Variants in DUSP13B observed in about 807,000 individuals in gnomAD.
The protein encoded by DUSP13B is dual specificity phosphatase 13B.
chr10:75,109,129 C>A, the DUSP13B span: 2 of 1,606,476 alleles, frequency 1.2e-6, no homozygotes, highest in Non-Finnish European at 1.7e-6. Context: ...GTCCTCTCCC[C>A]CCAGCTCTGG....
At chr10:75,104,607 C>A in the DUSP13B span, among the ~76,000 whole-genome samples, 3 of 152,192 alleles carry the variant, frequency 2.0e-5, no homozygotes, top group African/African-American at 7.2e-5. Context: ...AGAGAGCAGG[C>A]AGGGAATCTG....
the DUSP13B span, among the ~76,000 whole-genome samples, chr10:75,106,035 AGATCAACACCTGTTCTGCCTACCCTTGG>A: frequency 2.0e-5 from 3 of 151,794 alleles, no homozygotes; most frequent in African/African-American, 7.3e-5. Flanking sequence ...TAAAATGGGT[AGATCAACACCTGTTCTGCCTACCCTTGG>A]GATAGGGTCC....
the DUSP13B span, chr10:75,095,916 T>A: frequency 1.1e-6 from 1 of 920,286 alleles, no homozygotes; most frequent in Non-Finnish European, 1.7e-6. Flanking sequence ...GACAAGAGCC[T>A]GCAAATTGGC....
At chr10:75,095,252 C>A in the DUSP13B span, among the ~76,000 whole-genome samples, 1 of 152,212 alleles carries the variant, frequency 6.6e-6, no homozygotes, top group East Asian at 1.9e-4. Flanking sequence ...GCCCCTGCAG[C>A]TCTATGCCAA....
At chr10:75,105,876 A>G in the DUSP13B span, 1 of 1,545,332 alleles carries the variant, frequency 6.5e-7, no homozygotes, top group Non-Finnish European at 8.7e-7. Flanking sequence ...TGGCTGAGGA[A>G]GACATCCTGG....
chr10:75,101,962 C>G, the DUSP13B span: 1 of 1,367,508 alleles, frequency 7.3e-7, no homozygotes, highest in Non-Finnish European at 9.8e-7. Flanking sequence ...GATGCTGTTT[C>G]TATTTTTTGA....
At chr10:75,096,650 G>A in the DUSP13B span, among the ~76,000 whole-genome samples, 24 of 152,166 alleles carry the variant, frequency 1.6e-4, no homozygotes, top group African/African-American at 5.5e-4. Context: ...TTGAGAGGCT[G>A]AGGTGGGAGA....
At chr10:75,100,173 A>G in the DUSP13B span, among the ~76,000 whole-genome samples, 1 of 152,108 alleles carries the variant, frequency 6.6e-6, no homozygotes, top group Non-Finnish European at 1.5e-5. Flanking sequence ...GCAGGCAGCC[A>G]GGCTCCACCC....
chr10:75,096,367 A>G, the DUSP13B span, among the ~76,000 whole-genome samples: 3 of 152,066 alleles, frequency 2.0e-5, no homozygotes, highest in African/African-American at 4.8e-5. Flanking sequence ...CATTGAGCTC[A>G]GGAGTTCGAG....
the DUSP13B span, among the ~76,000 whole-genome samples, chr10:75,102,529 C>T: frequency 6.6e-6 from 1 of 152,202 alleles, no homozygotes; most frequent in Non-Finnish European, 1.5e-5. Context: ...GTCCCTTGGC[C>T]GGATGCAGTG....
the DUSP13B span, chr10:75,095,934 G>T: frequency 1.3e-6 from 1 of 755,802 alleles, no homozygotes; most frequent in Non-Finnish European, 2.2e-6. Context: ...GGCCCAGGGT[G>T]AAGGGGCTCC....
At chr10:75,096,484 G>A in the DUSP13B span, among the ~76,000 whole-genome samples, 1 of 151,676 alleles carries the variant, frequency 6.6e-6, no homozygotes, top group Admixed American at 6.6e-5. Context: ...GGCTGAGGTG[G>A]GAGAATCACC....
the DUSP13B span, among the ~76,000 whole-genome samples, chr10:75,096,200 A>G: frequency 6.6e-6 from 1 of 152,146 alleles, no homozygotes; most frequent in African/African-American, 2.4e-5. Flanking sequence ...GGTTGCAGTG[A>G]GCCAAGATTA....
chr10:75,104,148 C>A, the DUSP13B span: 28 of 1,265,326 alleles, frequency 2.2e-5, no homozygotes, highest in East Asian at 1.5e-3. Flanking sequence ...AAGGCCCAGG[C>A]TGGCTGGGAC....
the DUSP13B span, chr10:75,103,977 C>A: frequency 7.5e-7 from 1 of 1,341,604 alleles, no homozygotes; most frequent in Non-Finnish European, 9.9e-7. Flanking sequence ...GGGCCGACCC[C>A]ACGCTGGGCT....
chr10:75,094,608 G>A, the DUSP13B span: 1 of 1,534,820 alleles, frequency 6.5e-7, no homozygotes, highest in Non-Finnish European at 8.9e-7. Context: ...AAACAGCAGA[G>A]CCTGCTGTTC....
the DUSP13B span, chr10:75,097,760 G>A: frequency 6.2e-7 from 1 of 1,613,760 alleles, no homozygotes; most frequent in African/African-American, 1.3e-5. Flanking sequence ...ATGGTTCAGT[G>A]TGGCAGCCTG....
At chr10:75,104,160 T>G in the DUSP13B span, 1 of 1,222,866 alleles carries the variant, frequency 8.2e-7, no homozygotes, top group East Asian at 5.7e-5. Flanking sequence ...GGCTGGGACT[T>G]GTTGGGGCAG....
At chr10:75,105,916 C>T in the DUSP13B span, 2 of 1,520,734 alleles carry the variant, frequency 1.3e-6, no homozygotes, top group Non-Finnish European at 1.8e-6. Context: ...CACCGGCCCA[C>T]CCACGGGCTG....
Sources: allele counts gnomAD v4.1 joint callset (sites outside exome capture counted in the v4.1 genomes callset), GRCh38; gene constraint gnomAD v4.1.1; transcripts MANE v1.5; gene names NCBI Gene and HGNC (gene_info 2026-07-23, HGNC 2026-07-21).